ERBIN: variants seen among roughly 807,000 people sequenced by gnomAD.
The protein encoded by ERBIN is densin-180-like protein.
In ERBIN, 60 loss-of-function variants were observed where a neutral mutation model predicts 158.4. That is an observed-to-expected ratio of 0.38 (90% confidence interval 0.31 to 0.47). The LOEUF is 0.47. Among genes scored for constraint, ERBIN ranks in the 20% least tolerant of loss-of-function variants. The pLI is 0.99. For missense variants in ERBIN, 1,610 were observed against 1,648.0 expected (o/e 0.98, Z 0.40); for synonymous variants, 594 against 557.2 (o/e 1.07, Z -0.93).
At chr5:65,976,126 A>G (rs1247484445) in intron 1 of ERBIN, among the ~76,000 whole-genome samples, 5 of 152,216 alleles carry the variant, frequency 3.3e-5, no homozygotes, top group African/African-American at 1.2e-4. Flanking sequence ...CTGTGGGGAA[A>G]TTAATCCTGC....
rs1223624493 is a variant in ERBIN, at chr5:66,046,429, A to G, written c.1679A>G (p.Lys560Arg). ...TATATGATAGGAAACTCTGTACAGAAGATCAGTGAACCTGAAGCTGAGATT... is the reference window on the plus strand; with the variant it reads ...TATATGATAGGAAACTCTGTACAGAGGATCAGTGAACCTGAAGCTGAGATT... ...EKYMIGNSVQKISEPEAEISP... is the reference protein window; with the variant it reads ...EKYMIGNSVQRISEPEAEISP... The change falls in exon 18 of 26, where the codon AAG becomes AGG. Residue 560 changes from lysine (K) to arginine (R), a missense_variant. Coordinates refer to ENST00000284037, the MANE Select transcript of ERBIN (RefSeq NM_001253697.2). 3.1e-6 allele frequency: 5 copies of G among 1,612,318 alleles called. No individual in the cohort carries two copies. In the African/African-American group the frequency reaches 6.7e-5, roughly 22 times the overall value.
At chr5:66,030,311 G>A (rs1294691557) in intron 14 of ERBIN, among the ~76,000 whole-genome samples, 1 of 152,072 alleles carries the variant, frequency 6.6e-6, no homozygotes, top group East Asian at 1.9e-4. Flanking sequence ...CAAAGTGCTG[G>A]GATTACAGGT....
At chr5:65,966,112 A>G (rs556229269) in intron 1 of ERBIN, among the ~76,000 whole-genome samples, 3 of 65,778 alleles carry the variant, frequency 4.6e-5, no homozygotes, top group South Asian at 1.5e-3. Context: ...GGTCAATGAT[A>G]GACTGTATAA....
intron 1 of ERBIN, among the ~76,000 whole-genome samples, chr5:65,940,293 A>G (rs1426325330): frequency 7.5e-5 from 11 of 146,122 alleles, no homozygotes; most frequent in African/African-American, 2.4e-4. Flanking sequence ...CTGAGAAGTG[A>G]GGAGACCCTC....
chr5:66,073,305 G>A (rs577344228), intron 22 of ERBIN, among the ~76,000 whole-genome samples: 34 of 152,292 alleles, frequency 2.2e-4, no homozygotes, highest in African/African-American at 7.7e-4. Flanking sequence ...GCTATCTGCA[G>A]AATTGTATGT....
intron 21 of ERBIN, among the ~76,000 whole-genome samples, chr5:66,065,537 T>C (rs1220389285): frequency 6.6e-6 from 1 of 151,878 alleles, no homozygotes; most frequent in African/African-American, 2.4e-5. Context: ...ATGGGGTCTA[T>C]AAATAAAACT....
At chr5:65,963,565 T>G in intron 1 of ERBIN, among the ~76,000 whole-genome samples, 1 of 151,878 alleles carries the variant, frequency 6.6e-6, no homozygotes. Context: ...GCCATTGCAC[T>G]CCAGCCTGGG....
intron 1 of ERBIN, among the ~76,000 whole-genome samples, chr5:65,977,517 CG>C (rs971624604): frequency 3.4e-5 from 5 of 149,206 alleles, no homozygotes; most frequent in African/African-American, 1.2e-4. Flanking sequence ...ACATCCCGGA[CG>C]GGGCGGCAGG....
chr5:65,993,510 T>A (rs973914394), intron 3 of ERBIN, among the ~76,000 whole-genome samples: 1 of 152,150 alleles, frequency 6.6e-6, no homozygotes, highest in Non-Finnish European at 1.5e-5. Flanking sequence ...TTCAGTGTAC[T>A]TTTTCTTCTT....
chr5:65,947,344 C>T (rs779020610), intron 1 of ERBIN, among the ~76,000 whole-genome samples: 1 of 152,144 alleles, frequency 6.6e-6, no homozygotes, highest in African/African-American at 2.4e-5. Flanking sequence ...ATTCTCCTGC[C>T]TCCGTCTCCT....
chr5:66,044,021 G>C, intron 16 of ERBIN, 116 bp from the exon 17 acceptor site: 1 of 648,626 alleles, frequency 1.5e-6, no homozygotes, highest in Non-Finnish European at 2.4e-6. Context: ...TGTCTTCACA[G>C]TTATCCCTAT....
At chr5:66,066,355 T>C (rs1276027767) in intron 21 of ERBIN, among the ~76,000 whole-genome samples, 1 of 152,024 alleles carries the variant, frequency 6.6e-6, no homozygotes, top group Non-Finnish European at 1.5e-5. Context: ...CATTTAAAAA[T>C]TTTACCCTGG....
chr5:65,931,394 C>T (rs1220591056), intron 1 of ERBIN, among the ~76,000 whole-genome samples: 1 of 152,150 alleles, frequency 6.6e-6, no homozygotes, highest in African/African-American at 2.4e-5. Flanking sequence ...TCTGGGACAA[C>T]TTACTTTGAG....
chr5:66,040,529 G>A (rs1156645695), intron 15 of ERBIN, among the ~76,000 whole-genome samples: 2 of 151,832 alleles, frequency 1.3e-5, no homozygotes, highest in Non-Finnish European at 2.9e-5. Flanking sequence ...TATCAATTAT[G>A]ATATTCTGGG....
At chr5:65,982,022 G>C (rs1446045591) in intron 1 of ERBIN, among the ~76,000 whole-genome samples, 1 of 152,212 alleles carries the variant, frequency 6.6e-6, no homozygotes, top group Non-Finnish European at 1.5e-5. Context: ...GTCAGAAATA[G>C]TGAAATCTGA....
chr5:66,028,069 A>G (rs1756466611), intron 13 of ERBIN, among the ~76,000 whole-genome samples: 2 of 152,140 alleles, frequency 1.3e-5, no homozygotes. Context: ...GAAGAATTAT[A>G]TTTTTGAAAC....
At chr5:65,940,475 G>T (rs1455239851) in intron 1 of ERBIN, among the ~76,000 whole-genome samples, 1 of 76,808 alleles carries the variant, frequency 1.3e-5, no homozygotes, top group Non-Finnish European at 2.3e-5. Context: ...GGGGGGGTCA[G>T]TCCCCCCCCC....
At chr5:66,062,391 A>G (rs899760612) in intron 21 of ERBIN, among the ~76,000 whole-genome samples, 2 of 152,268 alleles carry the variant, frequency 1.3e-5, no homozygotes, top group African/African-American at 4.8e-5. Context: ...TTTCAGCTCC[A>G]TCGGGTCCTT....
At chr5:65,948,529 G>T (rs780174185) in intron 1 of ERBIN, among the ~76,000 whole-genome samples, 1 of 151,818 alleles carries the variant, frequency 6.6e-6, no homozygotes, top group Non-Finnish European at 1.5e-5. Flanking sequence ...TATACAAAAC[G>T]CTCAGGGAAG....
Sources: allele counts gnomAD v4.1 joint callset (sites outside exome capture counted in the v4.1 genomes callset), GRCh38; gene constraint gnomAD v4.1.1; transcripts MANE v1.5; gene names NCBI Gene and HGNC (gene_info 2026-07-23, HGNC 2026-07-21).